The following SPCS2 variants were observed in gnomAD, a reference collection of about 807,000 sequenced individuals.
SPCS2 encodes SPase 25 kDa subunit.
In SPCS2, 3 loss-of-function variants were observed where a neutral mutation model predicts 22.3. That is an observed-to-expected ratio of 0.13 (90% confidence interval 0.06 to 0.35). SPCS2 has a LOEUF of 0.35. SPCS2 is among the 10% of genes least tolerant of loss of function. The pLI is 1.00. For missense variants in SPCS2, 169 were observed against 280.9 expected, an observed-to-expected ratio of 0.60 and a Z score of 2.85; for synonymous variants, 67 against 97.2, an observed-to-expected ratio of 0.69 and a Z score of 1.83.
intron 4 of SPCS2, among the ~76,000 whole-genome samples, chr11:74,970,232 G>A (rs1437327238): frequency 3.3e-5 from 5 of 152,174 alleles, no homozygotes; most frequent in Non-Finnish European, 7.3e-5. Context: ...ATAACTTTGG[G>A]TAAATCATAT....
At chr11:74,950,574 G>A (rs936992716) in intron 1 of SPCS2, among the ~76,000 whole-genome samples, 6 of 152,160 alleles carry the variant, frequency 3.9e-5, no homozygotes, top group African/African-American at 1.4e-4. Context: ...TCTTGTGAGA[G>A]GGGTCACGCT....
At chr11:74,976,121 G>A (rs921894620) in intron 4 of SPCS2, among the ~76,000 whole-genome samples, 19 of 152,182 alleles carry the variant, frequency 1.2e-4, no homozygotes, top group African/African-American at 4.6e-4. Flanking sequence ...GGATTGGAGA[G>A]CATCCTTGAA....
chr11:74,966,631 C>T (rs896954362), intron 3 of SPCS2, among the ~76,000 whole-genome samples: 14 of 151,978 alleles, frequency 9.2e-5, no homozygotes, highest in Admixed American at 2.6e-4. Context: ...AGATCATGGT[C>T]GTTGCCTACC....
intron 2 of SPCS2, among the ~76,000 whole-genome samples, chr11:74,965,398 G>A (rs1163217309): frequency 6.6e-6 from 1 of 151,852 alleles, no homozygotes; most frequent in African/African-American, 2.4e-5. Flanking sequence ...AAGAAATATA[G>A]ATGTTGGCTA....
At chr11:74,960,150 G>A (rs928034062) in intron 1 of SPCS2, among the ~76,000 whole-genome samples, 2 of 152,142 alleles carry the variant, frequency 1.3e-5, no homozygotes, top group African/African-American at 4.8e-5. Flanking sequence ...GGCCAACATG[G>A]TGAAACCCCA....
chr11:74,964,986 G>T, intron 1 of SPCS2, 48 bp from the exon 2 acceptor site: 1 of 1,324,710 alleles, frequency 7.5e-7, no homozygotes, highest in Non-Finnish European at 1.1e-6. Flanking sequence ...TTTACTTTCA[G>T]TAAGAGGCCA....
intron 2 of SPCS2, 30 bp from the exon 3 acceptor site, chr11:74,965,733 A>C (rs745538503): frequency 8.2e-6 from 13 of 1,581,062 alleles, no homozygotes; most frequent in Non-Finnish European, 1.1e-5. Flanking sequence ...AAGTATTCCT[A>C]TTAGCTTGAT....
chr11:74,954,074 C>T (rs1948462507), intron 1 of SPCS2, among the ~76,000 whole-genome samples: 1 of 152,292 alleles, frequency 6.6e-6, no homozygotes, highest in South Asian at 2.1e-4. Flanking sequence ...TCTCTATTAC[C>T]TCTGCATTTT....
chr11:74,965,229 T>G lies in SPCS2; in HGVS notation c.198+112T>G, dbSNP rs188772965. 1.5e-4 allele frequency: 108 copies of G among 716,738 alleles called. No individual in the cohort carries two copies. In the African/African-American group the frequency reaches 1.8e-3, roughly 12 times the overall value. The allele number at this position is 716,738 out of a possible 1,614,324, so 44.4% of individuals were successfully genotyped here. On this transcript the variant is annotated intron_variant, in intron 2 of 4. Transcript: ENST00000263672. ...GACCTTAGTTTTCAGTGTTAGAAAT[T>G]AAGTCAGAAAGCAGTTTCTAAAATT...
rs138271926 is a variant in SPCS2, at chr11:74,954,943, C to T, written c.114+5544C>T. Among the ~76,000 whole-genome samples, 430 of 152,124 alleles carry T rather than the reference C, an allele frequency of 2.8e-3. 3 individuals are homozygous for T. The highest frequency in any genetic ancestry group is 9.9e-3 in the African/African-American group (412 of 41,490). On this transcript the variant is annotated intron_variant, in intron 1 of 4. Coordinates refer to ENST00000263672, the MANE Select transcript of SPCS2 (RefSeq NM_014752.3). Reference sequence around the variant, plus strand: ...TAGACATTTCTCCATAGAAGACGTACGAATGGCCCATAGCACATGGAAAGA... The same window carrying T: ...TAGACATTTCTCCATAGAAGACGTATGAATGGCCCATAGCACATGGAAAGA...
chr11:74,973,852 T>C (rs1196395893), intron 4 of SPCS2, among the ~76,000 whole-genome samples: 2 of 152,154 alleles, frequency 1.3e-5, no homozygotes, highest in African/African-American at 2.4e-5. Context: ...TTCCCTCCCT[T>C]GGGTCTATGG....
chr11:74,965,676 G>T, intron 2 of SPCS2, 87 bp from the exon 3 acceptor site: 1 of 1,189,146 alleles, frequency 8.4e-7, no homozygotes, highest in Admixed American at 2.3e-5. Flanking sequence ...TAATTCATAT[G>T]ATTCTTTTAT....
chr11:74,972,000 C>A (rs1339181285), intron 4 of SPCS2, among the ~76,000 whole-genome samples: 2 of 152,198 alleles, frequency 1.3e-5, no homozygotes, highest in African/African-American at 4.8e-5. Context: ...CTCCTACTTC[C>A]AAGAAGCCTT....
chr11:74,963,541 TTTA>T, intron 1 of SPCS2: 1 of 418,444 alleles, frequency 2.4e-6, no homozygotes, highest in South Asian at 1.8e-5. Context: ...TATTTTATTT[TTTA>T]TTGTTTGTTT....
At position 74,978,723 on chromosome 11, in the gene SPCS2, T is replaced by C. The variant is rs948735450; in HGVS notation, c.*1680T>C. The C allele has an allele frequency of 1.3e-5, 2 of 152,208 alleles. No homozygotes were observed. Among genetic ancestry groups the C allele is most frequent in the Non-Finnish European group, 2.9e-5 (2 of 68,032 alleles). 9.4% of individuals were successfully genotyped at this position (152,208 alleles called of 1,614,324 possible). A position where few individuals can be genotyped will look rare whatever the true frequency, so the allele number is the denominator to read the frequency against. The stretch of plus-strand genomic sequence containing the variant: ...TTATATTTTTTGTTATTTTTTAAAA[T>C]ATATTTTTAATCCATGGTTGGTTAA... On this transcript the variant is annotated 3_prime_UTR_variant, in exon 5 of 5. Coordinates refer to ENST00000263672, the MANE Select transcript of SPCS2 (RefSeq NM_014752.3).
intron 1 of SPCS2, among the ~76,000 whole-genome samples, chr11:74,957,747 G>T (rs576674865): frequency 2.6e-5 from 4 of 152,232 alleles, no homozygotes; most frequent in Admixed American, 2.0e-4. Flanking sequence ...GTAAGTATAG[G>T]ATTTTCCTTA....
intron 1 of SPCS2, among the ~76,000 whole-genome samples, chr11:74,956,833 A>AT (rs758421632): frequency 5.7e-4 from 86 of 151,874 alleles, no homozygotes; most frequent in Admixed American, 7.2e-4. Context: ...TTGAGTCATT[A>AT]TACTCTGGAA....
intron 4 of SPCS2, among the ~76,000 whole-genome samples, chr11:74,974,656 C>G (rs1158084571): frequency 6.6e-6 from 1 of 152,194 alleles, no homozygotes; most frequent in Non-Finnish European, 1.5e-5. Context: ...ACACTTTCAT[C>G]TAGGCTGGAG....
chr11:74,971,910 G>A (rs541845364), intron 4 of SPCS2, among the ~76,000 whole-genome samples: 11 of 152,260 alleles, frequency 7.2e-5, no homozygotes, highest in Non-Finnish European at 1.5e-4. Context: ...AATATGCTAA[G>A]TTATCCAAGT....
Sources: allele counts gnomAD v4.1 joint callset (sites outside exome capture counted in the v4.1 genomes callset), GRCh38; gene constraint gnomAD v4.1.1; transcripts MANE v1.5; gene names NCBI Gene and HGNC (gene_info 2026-07-23, HGNC 2026-07-21).